Variants in NUP98 observed in about 807,000 individuals in gnomAD.
NUP98 encodes the protein nuclear pore complex protein Nup98-Nup96.
NUP98 carries 26 observed loss-of-function variants against 191.9 expected under a neutral mutation model. That is an observed-to-expected ratio of 0.14 (90% CI 0.10 to 0.19). The LOEUF (loss-of-function observed/expected upper bound fraction) is 0.19, where lower values mean the gene tolerates loss of function less well. Among genes scored for constraint, NUP98 ranks in the 10% least tolerant of loss-of-function variants. NUP98 has a pLI of 1.00. For missense variants in NUP98, 1,941 were observed against 2,178.8 expected (o/e 0.89, Z 2.17); for synonymous variants, 808 against 778.4 (o/e 1.04, Z -0.63).
chr11:3,782,049 A>C lies in NUP98; in HGVS notation c.69T>G (p.Phe23Leu). The change falls in exon 2 of 33, where the codon TTT becomes TTG. Residue 23 changes from phenylalanine to leucine, a missense_variant. Transcript: ENST00000324932. ...GTGGFGTTST[F>L]GQNTGFGTTS... ...TCCTTTTTAAAAACTTACTCTGTCC[A>C]AATGTTGAAGTTGTGCCAAAGCCAC... 6.2e-7 allele frequency: 1 copy of C among 1,612,052 alleles called. No homozygotes were observed. The highest frequency in any genetic ancestry group is 8.5e-7 in the Non-Finnish European group (1 of 1,178,678).
In NUP98 at chr11:3,675,765, G is replaced by A; in HGVS notation, c.*394C>T. ...TTATCACCTGTCTCACTCCTCCTAA[G>A]GAGTCCTAGTATAAAAGGGCCAGGG... On this transcript the variant is annotated 3_prime_UTR_variant, in exon 33 of 33. Transcript: ENST00000324932. The A allele has an allele frequency of 1.2e-5, 4 of 329,338 alleles. No individual in the cohort carries two copies. The highest frequency in any genetic ancestry group is 1.7e-5 in the Non-Finnish European group (3 of 177,050). 20.4% of individuals were successfully genotyped at this position (329,338 alleles called of 1,614,324 possible).
At chr11:3,724,778 C>G (rs2079548658) in intron 15 of NUP98, among the ~76,000 whole-genome samples, 1 of 37,402 alleles carries the variant, frequency 2.7e-5, no homozygotes, top group Non-Finnish European at 5.6e-5. Flanking sequence ...GAGACTCTGT[C>G]TCAAAAAAAA....
chr11:3,773,257 T>C (rs1453538175), intron 6 of NUP98, among the ~76,000 whole-genome samples: 1 of 151,934 alleles, frequency 6.6e-6, no homozygotes, highest in Non-Finnish European at 1.5e-5. Context: ...TTTTAAAAAT[T>C]AGCTGGGCGT....
intron 17 of NUP98, 36 bp from the exon 18 acceptor site, chr11:3,719,586 G>C: frequency 2.0e-6 from 3 of 1,465,484 alleles, no homozygotes; most frequent in Non-Finnish European, 2.7e-6. Flanking sequence ...AATTCATTCT[G>C]TATGAAGGCA....
intron 7 of NUP98, 49 bp from the exon 8 acceptor site, chr11:3,768,793 G>C: frequency 1.4e-6 from 2 of 1,393,050 alleles, no homozygotes; most frequent in Non-Finnish European, 1.9e-6. Flanking sequence ...TAAAAAAAAT[G>C]TAAACACCCA....
intron 28 of NUP98, among the ~76,000 whole-genome samples, chr11:3,687,843 C>T (rs1182806030): frequency 1.3e-5 from 2 of 151,634 alleles, no homozygotes; most frequent in East Asian, 1.9e-4. Flanking sequence ...GGGTGGATCA[C>T]GAGGTCAGGA....
chr11:3,786,432 T>C (rs2082142998), intron 1 of NUP98, among the ~76,000 whole-genome samples: 1 of 152,220 alleles, frequency 6.6e-6, no homozygotes, highest in South Asian at 2.1e-4. Flanking sequence ...CCTTTTTTTC[T>C]TTATGAATGG....
rs185268769 is a variant in NUP98 at position 3,796,793 on chromosome 11, A to C, written c.-29+607T>G. On this transcript the variant is annotated intron_variant, in intron 1 of 32. Transcript: ENST00000324932. ...GTAAGGTAGGGGGATTGACTTAAAC[A>C]ATTTCTAAAGTCCTTATGGCTATAG... Among the ~76,000 whole-genome samples, 526 of 152,304 alleles carry C rather than the reference A, an allele frequency of 3.5e-3. 6 individuals are homozygous for C. The highest frequency in any genetic ancestry group is 0.03 in the South Asian group (143 of 4,826).
In NUP98 at chr11:3,775,882, G is replaced by A. The variant is rs34160712; in HGVS notation, c.495C>T (p.Asn165=). 3.4e-3 allele frequency: 5,501 copies of A among 1,608,174 alleles called. 159 individuals carry two copies. The African/African-American group carries it at 0.065, about 19-fold the overall frequency. The change falls in exon 5 of 33, where the codon AAC becomes AAT. Residue 165 remains asparagine (N), a splice_region_variant and synonymous_variant. Transcript: ENST00000324932. ...AAPTGTTIKF[N]PPTGTDTMVK... is the part of the protein sequence containing the mutation. Reference sequence around the variant, plus strand: ...ACAAAGATTGGAAGAAAATACATACGTTAAATTTAATAGTAGTCCCAGTAG... The same window carrying A: ...ACAAAGATTGGAAGAAAATACATACATTAAATTTAATAGTAGTCCCAGTAG...
At chr11:3,793,833 G>A (rs1219563257) in intron 1 of NUP98, among the ~76,000 whole-genome samples, 2 of 151,926 alleles carry the variant, frequency 1.3e-5, no homozygotes, top group South Asian at 2.1e-4. Context: ...AGCTGGGTGT[G>A]GTGGCACGCA....
chr11:3,760,447 A>C, intron 10 of NUP98, 92 bp downstream of exon 10: 1 of 1,561,896 alleles, frequency 6.4e-7, no homozygotes, highest in Non-Finnish European at 8.8e-7. Context: ...TGGTATAGTC[A>C]GTGTAACTTT....
intron 12 of NUP98, among the ~76,000 whole-genome samples, chr11:3,741,349 C>T (rs2080280352): frequency 2.0e-5 from 3 of 151,366 alleles, no homozygotes; most frequent in South Asian, 2.1e-4. Context: ...CTGGCAGGAG[C>T]GGTGGCTCAT....
At chr11:3,731,720 C>G (rs1194483899) in intron 13 of NUP98, 142 bp from the exon 14 acceptor site, 2 of 512,310 alleles carry the variant, frequency 3.9e-6, no homozygotes, top group East Asian at 6.6e-5. Context: ...TCCCATAAAA[C>G]AAGGATGTTA....
At chr11:3,724,101 C>T (rs1047254790) in intron 15 of NUP98, among the ~76,000 whole-genome samples, 1 of 151,760 alleles carries the variant, frequency 6.6e-6, no homozygotes, top group East Asian at 1.9e-4. Context: ...ATATATCATT[C>T]GTGCATAATC....
chr11:3,683,348 C>T lies in NUP98; in HGVS notation c.4770G>A (p.Gln1590=). Residue 1590 remains glutamine (Q), a synonymous_variant, in exon 30 of 33, where the codon CAG becomes CAA. Transcript: ENST00000324932. Reference sequence around the variant, plus strand: ...TCCATTTGGCAGGTACACGGAGCTTCTGGGTAAGGAAAGTCTCTTTAGCCC... The same window carrying T: ...TCCATTTGGCAGGTACACGGAGCTTTTGGGTAAGGAAAGTCTCTTTAGCCC... ...ESWAKETFLT[Q]KLRVPAKWIH... The T allele has an allele frequency of 6.2e-7, 1 of 1,614,200 alleles. No individual in the cohort carries two copies. The highest frequency in any genetic ancestry group is 8.5e-7 in the Non-Finnish European group (1 of 1,180,032).
At chr11:3,795,557 T>A (rs951400161) in intron 1 of NUP98, among the ~76,000 whole-genome samples, 8 of 152,138 alleles carry the variant, frequency 5.3e-5, no homozygotes, top group African/African-American at 1.9e-4. Context: ...TTGACTACTG[T>A]TAGGTATAAC....
intron 12 of NUP98, among the ~76,000 whole-genome samples, chr11:3,740,109 A>G (rs1016474146): frequency 1.3e-5 from 2 of 152,182 alleles, no homozygotes; most frequent in African/African-American, 4.8e-5. Context: ...AGGGTCTACT[A>G]GTATGATCAA....
At chr11:3,725,661 T>C (rs1374207554) in intron 14 of NUP98, among the ~76,000 whole-genome samples, 1 of 152,216 alleles carries the variant, frequency 6.6e-6, no homozygotes, top group African/African-American at 2.4e-5. Flanking sequence ...TAAACAGACA[T>C]TTGCTGACTA....
chr11:3,796,423 T>C (rs906064581), intron 1 of NUP98, among the ~76,000 whole-genome samples: 5 of 152,254 alleles, frequency 3.3e-5, no homozygotes, highest in Non-Finnish European at 5.9e-5. Context: ...CAATGGCTTG[T>C]AGTTTTACCG....
Sources: allele counts gnomAD v4.1 joint callset (sites outside exome capture counted in the v4.1 genomes callset), GRCh38; gene constraint gnomAD v4.1.1; transcripts MANE v1.5; gene names NCBI Gene and HGNC (gene_info 2026-07-23, HGNC 2026-07-21).